NALF1: variants seen among roughly 807,000 people sequenced by gnomAD.
NALF1 encodes NALCN channel auxiliary factor 1, also known as family with sequence similarity 155 member A.
NALF1 carries 3 observed loss-of-function variants against 48.4 expected under a neutral mutation model. The ratio of observed to expected loss-of-function variants is 0.06; its 90% CI spans 0.03 to 0.16. The LOEUF (loss-of-function observed/expected upper bound fraction) is 0.16, where lower values mean the gene tolerates loss of function less well. Among genes scored for constraint, NALF1 ranks in the 10% least tolerant of loss-of-function variants. The probability of loss-of-function intolerance (pLI) is 1.00; values close to 1 mark genes in which losing one functional copy is unlikely to be tolerated. For missense variants in NALF1, 526 were observed against 571.5 expected (o/e 0.92, Z 0.81); for synonymous variants, 262 against 245.7 (o/e 1.07, Z -0.62).
chr13:107,470,431 G>T (rs1885081415), intron 1 of NALF1, among the ~76,000 whole-genome samples: 1 of 152,166 alleles, frequency 6.6e-6, no homozygotes, highest in African/African-American at 2.4e-5. Flanking sequence ...AGACACATTT[G>T]TTCATATGAT....
At chr13:107,475,995 T>C (rs1367484749) in intron 1 of NALF1, among the ~76,000 whole-genome samples, 1 of 152,136 alleles carries the variant, frequency 6.6e-6, no homozygotes, top group African/African-American at 2.4e-5. Flanking sequence ...ACATAATGCT[T>C]CTGAAGACAG....
At chr13:107,688,904 G>A (rs901463491) in intron 1 of NALF1, among the ~76,000 whole-genome samples, 9 of 152,306 alleles carry the variant, frequency 5.9e-5, no homozygotes, top group African/African-American at 2.2e-4. Flanking sequence ...CCAAAGTGCT[G>A]CAGACAAGAG....
At chr13:107,399,461 C>A (rs1268423450) in intron 1 of NALF1, among the ~76,000 whole-genome samples, 2 of 151,840 alleles carry the variant, frequency 1.3e-5, no homozygotes, top group Non-Finnish European at 2.9e-5. Context: ...CACGTACACA[C>A]ACACACAGCA....
At chr13:107,674,654 A>G (rs913667631) in intron 1 of NALF1, among the ~76,000 whole-genome samples, 1 of 152,222 alleles carries the variant, frequency 6.6e-6, no homozygotes, top group African/African-American at 2.4e-5. Flanking sequence ...AAACAATCAC[A>G]CATCTACAAT....
intron 1 of NALF1, among the ~76,000 whole-genome samples, chr13:107,504,922 G>T (rs567295709): frequency 6.6e-6 from 1 of 152,288 alleles, no homozygotes; most frequent in South Asian, 2.1e-4. Flanking sequence ...TACCAAGCCT[G>T]GTTTCAGGTC....
chr13:107,205,416 C>T (rs1300357310), intron 2 of NALF1, among the ~76,000 whole-genome samples: 1 of 151,900 alleles, frequency 6.6e-6, no homozygotes, highest in South Asian at 2.1e-4. Flanking sequence ...AATGCATTTC[C>T]TCCCCTCAGG....
intron 1 of NALF1, among the ~76,000 whole-genome samples, chr13:107,302,714 A>T (rs1300526598): frequency 6.6e-6 from 1 of 152,242 alleles, no homozygotes; most frequent in Non-Finnish European, 1.5e-5. Flanking sequence ...ATTGAATCTG[A>T]ATTGGATCAA....
chr13:107,588,117 A>G (rs568261237), intron 1 of NALF1, among the ~76,000 whole-genome samples: 1 of 152,230 alleles, frequency 6.6e-6, no homozygotes, highest in African/African-American at 2.4e-5. Context: ...ATTCCTAAAC[A>G]TCTTTCTCTA....
In NALF1 at chr13:107,257,490, C is replaced by CTT. The variant is rs34197611; in HGVS notation, c.916-46737_916-46736dup. Among the ~76,000 whole-genome samples, 590 of 147,042 alleles carry CTT rather than the reference C, an allele frequency of 4.0e-3. 3 individuals carry two copies. The highest frequency in any genetic ancestry group is 0.011 in the African/African-American group (436 of 40,164). The stretch of plus-strand genomic sequence containing the variant: ...TGAGGCTTCAAAATTGTTTCTTCTG[C>CTT]TTTTTTTTTTTTTCTGCTTTGAATT... On this transcript the variant is annotated intron_variant, in intron 1 of 2. Transcript: ENST00000375915.
At chr13:107,266,040 G>C (rs1881031959) in intron 1 of NALF1, among the ~76,000 whole-genome samples, 1 of 152,142 alleles carries the variant, frequency 6.6e-6, no homozygotes, top group South Asian at 2.1e-4. Context: ...CTATTCCTAA[G>C]ATCAGTAAAG....
At chr13:107,719,939 T>C (rs1259445523) in intron 1 of NALF1, among the ~76,000 whole-genome samples, 2 of 152,082 alleles carry the variant, frequency 1.3e-5, no homozygotes, top group African/African-American at 4.8e-5. Flanking sequence ...TCTTCCTCAA[T>C]AATCACCGTT....
chr13:107,759,494 CA>C (rs917291674), intron 1 of NALF1, among the ~76,000 whole-genome samples: 1 of 152,196 alleles, frequency 6.6e-6, no homozygotes, highest in African/African-American at 2.4e-5. Context: ...AGGCGTGGGC[CA>C]CCGCACCCTG....
chr13:107,257,044 G>A (rs542723663), intron 1 of NALF1, among the ~76,000 whole-genome samples: 3 of 152,030 alleles, frequency 2.0e-5, no homozygotes, highest in Admixed American at 6.6e-5. Flanking sequence ...TTAAAATTAC[G>A]GCGGAAGGGG....
chr13:107,303,384 T>C (rs1361507440), intron 1 of NALF1, among the ~76,000 whole-genome samples: 1 of 152,222 alleles, frequency 6.6e-6, no homozygotes, highest in Admixed American at 6.5e-5. Flanking sequence ...TTTTATTTAC[T>C]TCTCTATAGA....
intron 1 of NALF1, among the ~76,000 whole-genome samples, chr13:107,808,484 C>T (rs1263830834): frequency 1.3e-5 from 2 of 152,026 alleles, no homozygotes; most frequent in Admixed American, 6.6e-5. Context: ...ACTTCCTGCA[C>T]AACAGGGTAA....
chr13:107,275,157 G>C (rs1297777499), intron 1 of NALF1, among the ~76,000 whole-genome samples: 1 of 151,994 alleles, frequency 6.6e-6, no homozygotes, highest in Non-Finnish European at 1.5e-5. Flanking sequence ...AGCCAGTGTC[G>C]ACCTTCTTTA....
At chr13:107,787,267 AT>A (rs1566481728) in intron 1 of NALF1, among the ~76,000 whole-genome samples, 1 of 152,150 alleles carries the variant, frequency 6.6e-6, no homozygotes, top group African/African-American at 2.4e-5. Flanking sequence ...ATAAACACTA[AT>A]TTTTTTCAAT....
At chr13:107,565,384 C>CAAAAAAA (rs10631309) in intron 1 of NALF1, among the ~76,000 whole-genome samples, 1 of 119,474 alleles carries the variant, frequency 8.4e-6, no homozygotes, top group African/African-American at 3.3e-5. Context: ...GACCTTATCT[C>CAAAAAAA]AAAAAAAAAA....
At chr13:107,855,060 G>A (rs1880410520) in intron 1 of NALF1, among the ~76,000 whole-genome samples, 1 of 152,164 alleles carries the variant, frequency 6.6e-6, no homozygotes, top group Admixed American at 6.5e-5. Flanking sequence ...CTGGTGAGGT[G>A]TAGCAGGGAG....
Sources: allele counts gnomAD v4.1 joint callset (sites outside exome capture counted in the v4.1 genomes callset), GRCh38; gene constraint gnomAD v4.1.1; transcripts MANE v1.5; gene names NCBI Gene and HGNC (gene_info 2026-07-23, HGNC 2026-07-21).